ARID4A: variants seen among roughly 807,000 people sequenced by gnomAD.
ARID4A encodes AT-rich interaction domain 4A.
In ARID4A, 39 loss-of-function variants were observed where a neutral mutation model predicts 148.6. That is an observed-to-expected ratio of 0.26 (90% CI 0.20 to 0.34). The LOEUF (loss-of-function observed/expected upper bound fraction) is 0.34, where lower values mean the gene tolerates loss of function less well. ARID4A is among the 10% of genes least tolerant of loss of function. The pLI is 1.00. For missense variants in ARID4A, 1,265 were observed against 1,449.1 expected, an observed-to-expected ratio of 0.87 and a Z score of 2.06; for synonymous variants, 475 against 481.2, an observed-to-expected ratio of 0.99 and a Z score of 0.17.
At chr14:58,328,420 C>T in intron 9 of ARID4A, 104 bp downstream of exon 9, 1 of 714,580 alleles carries the variant, frequency 1.4e-6, no homozygotes, top group Non-Finnish European at 2.3e-6. Context: ...AAAGTCTAAT[C>T]ATTCATGAAC....
In ARID4A at chr14:58,328,922, G is replaced by A. The variant is rs185944746; in HGVS notation, c.662+606G>A. 7.2e-3 allele frequency among the ~76,000 whole-genome samples: 1,090 copies of A among 151,730 alleles called. 5 individuals are homozygous for A. The highest frequency in any genetic ancestry group is 9.2e-3 in the Non-Finnish European group (623 of 67,954). On this transcript the variant is annotated intron_variant, in intron 9 of 23. Transcript: ENST00000355431. ...GCAAAGGAATTGCTTGAACCCGGGA[G>A]GCAGAGGCTGCAGTGAGCCGAGATC...
At chr14:58,358,997 C>T (rs2035011350) in intron 17 of ARID4A, 135 bp from the exon 18 acceptor site, 2 of 952,914 alleles carry the variant, frequency 2.1e-6, no homozygotes, top group Middle Eastern at 3.4e-4. Context: ...CCCCTGTGCC[C>T]TTCATATTCT....
Position 58,328,266 on chromosome 14 carries a change from C to G in ARID4A, c.612C>G (p.Ile204Met). The G allele has an allele frequency of 6.2e-7, 1 of 1,602,008 alleles. No homozygotes were observed. Among genetic ancestry groups the G allele is most frequent in the Non-Finnish European group, 8.5e-7 (1 of 1,169,970 alleles). The change falls in exon 9 of 24, where the codon ATC (isoleucine) becomes ATG (methionine). Residue 204 changes from isoleucine (I) to methionine (M), a missense_variant. Around this residue, in one of 9 missense-constraint regions of ARID4A, gnomAD observed 249 missense variants for 277.2 expected, o/e 0.90. Coordinates refer to ENST00000355431, the MANE Select transcript of ARID4A (RefSeq NM_002892.4). ...LVISPSCNDDITVKKDQCLVR... is the reference protein window; with the variant it reads ...LVISPSCNDDMTVKKDQCLVR... Reference sequence around the variant, plus strand: ...TATCTCCCAGCTGTAATGATGACATCACAGTGAAAAAGGATCAGTGTTTAG... The same window carrying G: ...TATCTCCCAGCTGTAATGATGACATGACAGTGAAAAAGGATCAGTGTTTAG...
At chr14:58,345,402 A>G (rs1478236255) in intron 12 of ARID4A, among the ~76,000 whole-genome samples, 1 of 152,202 alleles carries the variant, frequency 6.6e-6, no homozygotes, top group African/African-American at 2.4e-5. Flanking sequence ...CTAATGCTAT[A>G]TTTGTGGCAA....
intron 11 of ARID4A, among the ~76,000 whole-genome samples, chr14:58,330,400 A>G (rs528052399): frequency 2.0e-5 from 3 of 152,330 alleles, no homozygotes; most frequent in Admixed American, 2.0e-4. Flanking sequence ...TAGTTAATCA[A>G]CAAGTGCAAA....
At chr14:58,315,838 A>G (rs972922867) in intron 5 of ARID4A, among the ~76,000 whole-genome samples, 3 of 152,192 alleles carry the variant, frequency 2.0e-5, no homozygotes, top group Admixed American at 2.0e-4. Flanking sequence ...GCCTGCAGCT[A>G]GTCATTAATT....
intron 7 of ARID4A, among the ~76,000 whole-genome samples, chr14:58,321,002 A>G (rs1044250436): frequency 3.9e-5 from 6 of 152,206 alleles, no homozygotes; most frequent in Non-Finnish European, 7.3e-5. Flanking sequence ...TTCAGGTTAT[A>G]TATTATACTC....
intron 11 of ARID4A, among the ~76,000 whole-genome samples, chr14:58,335,144 A>G (rs1016806321): frequency 2.6e-5 from 4 of 152,166 alleles, no homozygotes; most frequent in African/African-American, 9.7e-5. Flanking sequence ...AGTAGTATTC[A>G]GTACCTCTGA....
chr14:58,366,341 G>T, intron 22 of ARID4A, 111 bp downstream of exon 22: 1 of 875,742 alleles, frequency 1.1e-6, no homozygotes, highest in Non-Finnish European at 1.7e-6. Flanking sequence ...TAACTATTTA[G>T]ATATTCCAAA....
In ARID4A at chr14:58,373,071, G is replaced by A. The variant is rs1336123116; in HGVS notation, c.*1082G>A. On this transcript the variant is annotated 3_prime_UTR_variant, in exon 24 of 24. Coordinates refer to ENST00000355431, the MANE Select transcript of ARID4A (RefSeq NM_002892.4). ...AGTATAGAACTATAAATGGGCATCT[G>A]GATCATTAAAGTATGTCCTTGTTTA... The A allele has an allele frequency of 5.0e-6, 1 of 199,748 alleles. No individual in the cohort carries two copies. Among genetic ancestry groups the A allele is most frequent in the African/African-American group, 2.3e-5 (1 of 43,462 alleles). 12.4% of individuals were successfully genotyped at this position (199,748 alleles called of 1,614,324 possible).
chr14:58,342,280 CT>C (rs1372984738), intron 11 of ARID4A, among the ~76,000 whole-genome samples: 5 of 152,050 alleles, frequency 3.3e-5, no homozygotes, highest in Admixed American at 2.6e-4. Flanking sequence ...GAAATTTCCC[CT>C]CAAGGCATTT....
intron 4 of ARID4A, 58 bp from the exon 5 acceptor site, chr14:58,305,964 G>C (rs929738893): frequency 8.5e-7 from 1 of 1,171,264 alleles, no homozygotes; most frequent in African/African-American, 1.5e-5. Context: ...ATAGTTGGTG[G>C]GAGTGATTTG....
chr14:58,310,037 A>C (rs943479384), intron 5 of ARID4A, among the ~76,000 whole-genome samples: 2 of 152,196 alleles, frequency 1.3e-5, no homozygotes, highest in Non-Finnish European at 2.9e-5. Flanking sequence ...TCTTCTACTG[A>C]CTAGAAGATA....
chr14:58,323,062 A>G, intron 7 of ARID4A, among the ~76,000 whole-genome samples: 1 of 149,786 alleles, frequency 6.7e-6, no homozygotes, highest in Non-Finnish European at 1.5e-5. Flanking sequence ...AGTTACCTTA[A>G]GTAAACCTTA....
At position 58,366,051 on chromosome 14, in the gene ARID4A, C is replaced by T. The variant is rs2035346630; in HGVS notation, c.3344C>T (p.Pro1115Leu). The T allele has an allele frequency of 1.9e-6, 3 of 1,611,880 alleles. No individual in the cohort carries two copies. The highest frequency in any genetic ancestry group is 2.5e-6 in the Non-Finnish European group (3 of 1,178,762). ...TGQSSDSEDL[P>L]VLDNSSKCTP... is the part of the protein sequence containing the mutation. ...CAAAGCAGTGATAGTGAAGATCTTC[C>T]TGTCCTAGACAATTCAAGTAAATGT... is the stretch of plus-strand genomic sequence containing the variant. The change falls in exon 22 of 24, where the codon CCT becomes CTT. Residue 1115 changes from proline to leucine, a missense_variant. This residue lies in a region of ARID4A where 666 missense variants were observed against 730.9 expected (regional missense o/e 0.91). Transcript: ENST00000355431.
intron 19 of ARID4A, among the ~76,000 whole-genome samples, chr14:58,363,668 C>G (rs186745716): frequency 1.3e-5 from 2 of 152,130 alleles, no homozygotes; most frequent in Admixed American, 1.3e-4. Context: ...TGCACTCTAG[C>G]CTGGGCAACC....
intron 11 of ARID4A, among the ~76,000 whole-genome samples, chr14:58,331,113 G>A (rs1345376002): frequency 6.6e-6 from 1 of 152,288 alleles, no homozygotes; most frequent in East Asian, 1.9e-4. Flanking sequence ...AAGGGCATAC[G>A]CTATTTCTTT....
intron 7 of ARID4A, among the ~76,000 whole-genome samples, chr14:58,320,471 A>G (rs903595760): frequency 3.3e-5 from 5 of 152,034 alleles, no homozygotes; most frequent in African/African-American, 1.2e-4. Flanking sequence ...AATAGCCTTT[A>G]TAGCGTCCCC....
chr14:58,325,812 A>G (rs2033173488), intron 8 of ARID4A, among the ~76,000 whole-genome samples: 1 of 152,120 alleles, frequency 6.6e-6, no homozygotes, highest in Non-Finnish European at 1.5e-5. Context: ...ATAGAAAAAT[A>G]AGTAATTTGG....
Sources: gnomAD v4.1 joint callset for allele counts (sites outside exome capture counted in the v4.1 genomes callset) on GRCh38, gnomAD v4.1.1 for gene constraint, gnomAD v4.1.1 regional missense constraint, MANE v1.5 for transcripts, NCBI Gene and HGNC (gene_info 2026-07-23, HGNC 2026-07-21) for gene names.